Variants in TPTE observed in about 807,000 individuals in gnomAD.
TPTE encodes putative tyrosine-protein phosphatase TPTE.
In TPTE, 59 loss-of-function variants were observed where a neutral mutation model predicts 84.1. That is an observed-to-expected ratio of 0.70 (90% CI 0.57 to 0.87). TPTE has a LOEUF of 0.87. Among genes scored for constraint, TPTE ranks in the 40% least tolerant of loss-of-function variants. The pLI, the probability that TPTE is intolerant of heterozygous loss-of-function variation, is 0.00. For missense variants in TPTE, 382 were observed against 659.6 expected (o/e 0.58, Z 4.61); for synonymous variants, 130 against 223.5 (o/e 0.58, Z 3.73).
chr21:10,560,859 T>G (rs2074785353), intron 9 of TPTE, among the ~76,000 whole-genome samples, 171 bp from the exon 10 acceptor site: 1 of 152,304 alleles, frequency 6.6e-6, no homozygotes. Context: ...GTGAAAACAG[T>G]GATTTTTCTG....
At chr21:10,594,904 T>G (rs1474894321) in intron 19 of TPTE, among the ~76,000 whole-genome samples, 1 of 152,312 alleles carries the variant, frequency 6.6e-6, no homozygotes, top group Non-Finnish European at 1.5e-5. Context: ...TGAGTGCATC[T>G]ACTCCTAAGT....
Position 10,524,639 on chromosome 21 carries a change from C to T in TPTE, c.-151C>T, listed in dbSNP as rs1309529668. Reference sequence around the variant, plus strand: ...TGTGTTATTCTAGCAGCTGAACACACCCCAGGCTCTTCTGCCCGGCAGTGG... The same window carrying T: ...TGTGTTATTCTAGCAGCTGAACACATCCCAGGCTCTTCTGCCCGGCAGTGG... On this transcript the variant is annotated 5_prime_UTR_variant, in exon 2 of 24. Coordinates refer to ENST00000618007, the MANE Select transcript of TPTE (RefSeq NM_199261.4). 1.3e-5 allele frequency: 2 copies of T among 152,966 alleles called. No individual in the cohort carries two copies. Among genetic ancestry groups the T allele is most frequent in the African/African-American group, 4.8e-5 (2 of 41,500 alleles). 9.5% of individuals were successfully genotyped at this position (152,966 alleles called of 1,614,324 possible). A position where few individuals can be genotyped will look rare whatever the true frequency, so the allele number is the denominator to read the frequency against.
chr21:10,532,861 G>A (rs2145591914), intron 3 of TPTE, among the ~76,000 whole-genome samples: 1 of 152,420 alleles, frequency 6.6e-6, no homozygotes, highest in South Asian at 2.1e-4. Flanking sequence ...TTTATCCTGT[G>A]GAAGCTTTCT....
At chr21:10,594,427 T>C (rs1300192319) in intron 19 of TPTE, among the ~76,000 whole-genome samples, 1 of 152,312 alleles carries the variant, frequency 6.6e-6, no homozygotes, top group Non-Finnish European at 1.5e-5. Context: ...TACCCATCTT[T>C]CCACCCTTTT....
chr21:10,557,202 T>A (rs2074701720), intron 8 of TPTE, among the ~76,000 whole-genome samples: 1 of 152,310 alleles, frequency 6.6e-6, no homozygotes, highest in Non-Finnish European at 1.5e-5. Flanking sequence ...TCGTGTTGCT[T>A]CATGTTGGAG....
intron 8 of TPTE, among the ~76,000 whole-genome samples, chr21:10,556,851 T>C (rs1373511587): frequency 2.0e-5 from 3 of 152,310 alleles, no homozygotes; most frequent in Non-Finnish European, 4.4e-5. Context: ...TTTTGAGAAG[T>C]GTCTGTTCAT....
chr21:10,568,590 G>C (rs2074973895), intron 11 of TPTE, among the ~76,000 whole-genome samples: 1 of 152,310 alleles, frequency 6.6e-6, no homozygotes, highest in Admixed American at 6.5e-5. Context: ...AGCTTCCCTG[G>C]ACTACAGCTC....
chr21:10,562,049 C>A (rs1329593775), intron 10 of TPTE, among the ~76,000 whole-genome samples: 3 of 152,244 alleles, frequency 2.0e-5, no homozygotes, highest in African/African-American at 7.2e-5. Flanking sequence ...GAGAGAGACT[C>A]TGTTTGTTTG....
chr21:10,599,661 T>G (rs1600987486), intron 21 of TPTE, among the ~76,000 whole-genome samples: 1 of 152,310 alleles, frequency 6.6e-6, no homozygotes, highest in Admixed American at 6.5e-5. Context: ...TCACTCTTAT[T>G]TCCTTGGCTC....
chr21:10,532,072 A>G (rs364268), intron 3 of TPTE, among the ~76,000 whole-genome samples: 15,150 of 146,866 alleles, frequency 0.1, 4 homozygotes, highest in African/African-American at 0.27. Flanking sequence ...TGGAGCCTTT[A>G]TATGTTGACA....
At chr21:10,588,005 T>TGG (rs2075397912) in intron 17 of TPTE, among the ~76,000 whole-genome samples, 1 of 152,312 alleles carries the variant, frequency 6.6e-6, no homozygotes, top group Admixed American at 6.5e-5. Flanking sequence ...TGCACCACCA[T>TGG]GCCCGGCTAA....
At chr21:10,557,145 A>C (rs1456281415) in intron 8 of TPTE, among the ~76,000 whole-genome samples, 1 of 152,306 alleles carries the variant, frequency 6.6e-6, no homozygotes, top group African/African-American at 2.4e-5. Flanking sequence ...AGCTGACTCA[A>C]GCACTTTGAG....
At chr21:10,553,626 T>A (rs1371038104) in intron 8 of TPTE, among the ~76,000 whole-genome samples, 19 of 152,308 alleles carry the variant, frequency 1.2e-4, no homozygotes, top group Non-Finnish European at 7.3e-5. Context: ...ATTTTATTTT[T>A]AAATTACAAA....
intron 7 of TPTE, among the ~76,000 whole-genome samples, chr21:10,545,221 A>AT (rs1361411009): frequency 6.6e-6 from 1 of 152,306 alleles, no homozygotes; most frequent in Non-Finnish European, 1.5e-5. Flanking sequence ...GAAGAGAGGC[A>AT]TATATTAAGA....
At chr21:10,550,237 A>G (rs868278511) in intron 7 of TPTE, among the ~76,000 whole-genome samples, 47 of 152,410 alleles carry the variant, frequency 3.1e-4, no homozygotes, top group African/African-American at 1.0e-3. Flanking sequence ...TCACCTACCA[A>G]TAATAACTTT....
chr21:10,522,818 A>G (rs1156670860), intron 1 of TPTE, among the ~76,000 whole-genome samples: 19 of 152,302 alleles, frequency 1.2e-4, no homozygotes, highest in African/African-American at 4.6e-4. Flanking sequence ...TAATGATCAA[A>G]TCATGGTAAT....
At chr21:10,527,157 T>TCACACACACACACA (rs58743171) in intron 2 of TPTE, among the ~76,000 whole-genome samples, 198 bp from the exon 3 acceptor site, 1 of 150,284 alleles carries the variant, frequency 6.7e-6, no homozygotes, top group Non-Finnish European at 1.5e-5. Context: ...TCTCTCTCTC[T>TCACACACACACACA]CACACACACA....
At chr21:10,592,234 T>C (rs2075492304) in intron 18 of TPTE, 59 bp from the exon 19 acceptor site, 4 of 1,606,570 alleles carry the variant, frequency 2.5e-6, no homozygotes, top group Non-Finnish European at 3.4e-6. Flanking sequence ...TAAGGGTACC[T>C]AATATAGGAA....
intron 17 of TPTE, among the ~76,000 whole-genome samples, chr21:10,583,460 T>C (rs368417047): frequency 6.6e-6 from 1 of 152,430 alleles, no homozygotes; most frequent in East Asian, 1.9e-4. Flanking sequence ...TAGTTCTTTG[T>C]GTATTCTGAT....
Sources: gnomAD v4.1 joint callset for allele counts (sites outside exome capture counted in the v4.1 genomes callset) on GRCh38, gnomAD v4.1.1 for gene constraint, MANE v1.5 for transcripts, NCBI Gene and HGNC (gene_info 2026-07-23, HGNC 2026-07-21) for gene names.